Variants in FAM50B observed in about 807,000 individuals in gnomAD.
FAM50B encodes family with sequence similarity 50 member B.
FAM50B carries 9 observed loss-of-function variants against 25.4 expected under a neutral mutation model. The observed-to-expected ratio is 0.35, with a 90% CI of 0.21 to 0.62. The LOEUF is 0.62. Among genes scored for constraint, FAM50B ranks in the 20% least tolerant of loss-of-function variants. The pLI is 0.73. For missense variants in FAM50B, 372 were observed against 477.9 expected (o/e 0.78, Z 2.07); for synonymous variants, 212 against 204.3 (o/e 1.04, Z -0.32).
chr6:3,834,015 A>G, the FAM50B span: 1 of 152,232 alleles, frequency 6.6e-6, no homozygotes, highest in Non-Finnish European at 1.5e-5. Flanking sequence ...TCCACAGTGA[A>G]TTAGCAAGAA....
the FAM50B span, chr6:3,833,794 G>A: frequency 6.6e-6 from 1 of 152,114 alleles, no homozygotes; most frequent in Non-Finnish European, 1.5e-5. Context: ...AAGAGGGATG[G>A]CGAGATGACT....
chr6:3,835,406 T>C, the FAM50B span, among the ~76,000 whole-genome samples: 1 of 152,204 alleles, frequency 6.6e-6, no homozygotes, highest in South Asian at 2.1e-4. Flanking sequence ...TTGTAACTGA[T>C]CTCATCCCTC....
upstream of FAM50B, among the ~76,000 whole-genome samples, chr6:3,846,857 C>T (rs558147917): frequency 6.6e-5 from 10 of 152,302 alleles, no homozygotes; most frequent in African/African-American, 2.4e-4. Flanking sequence ...CTATGGGTTG[C>T]AGAATGGATG....
At position 3,850,672 on chromosome 6, in the gene FAM50B, G is replaced by A; in HGVS notation, c.861G>A (p.Ser287=). 1.9e-6 allele frequency: 3 copies of A among 1,614,112 alleles called. No individual in the cohort carries two copies. The highest frequency in any genetic ancestry group is 2.5e-6 in the Non-Finnish European group (3 of 1,180,030). Residue 287 remains serine (S), a synonymous_variant, in exon 2 of 2, where the codon TCG becomes TCA. Transcript: ENST00000648326. ...LSDATMEKDE[S]HAGKVVLRSW... ...ACGCCACCATGGAGAAGGACGAGTC[G>A]CACGCGGGCAAGGTGGTGCTGCGCA...
At chr6:3,834,735 T>C in the FAM50B span, among the ~76,000 whole-genome samples, 1 of 152,258 alleles carries the variant, frequency 6.6e-6, no homozygotes, top group South Asian at 2.1e-4. Flanking sequence ...TGGTAAAATA[T>C]ATTTTGATAT....
chr6:3,841,900 C>T, the FAM50B span, among the ~76,000 whole-genome samples: 2 of 152,342 alleles, frequency 1.3e-5, no homozygotes, highest in South Asian at 2.1e-4. Flanking sequence ...GTCCCTTGGC[C>T]TGCTGGCCTC....
the FAM50B span, among the ~76,000 whole-genome samples, chr6:3,837,230 T>C: frequency 2.6e-5 from 4 of 152,146 alleles, no homozygotes; most frequent in African/African-American, 7.2e-5. Context: ...AACCGATAAA[T>C]TGAAGTTCAT....
upstream of FAM50B, among the ~76,000 whole-genome samples, chr6:3,844,583 C>T (rs187590560): frequency 5.2e-3 from 795 of 152,074 alleles, 6 homozygotes; most frequent in African/African-American, 0.018. Context: ...TGGTGGTGGG[C>T]GCCTGTAATC....
chr6:3,849,781 T>C lies in FAM50B; in HGVS notation c.-23-8T>C, dbSNP rs372671372. 4.5e-6 allele frequency: 7 copies of C among 1,570,706 alleles called. No individual in the cohort carries two copies. The highest frequency in any genetic ancestry group is 5.2e-6 in the Non-Finnish European group (6 of 1,156,942). On this transcript the variant is annotated splice_region_variant and splice_polypyrimidine_tract_variant and intron_variant, in intron 1 of 1. Coordinates refer to ENST00000648326, the MANE Select transcript of FAM50B (RefSeq NM_012135.3). ...CTCTACCTGCCGCGTTTTTCCTCTT[T>C]GCTGCAGAGCCCATCGGGTAGGCGC...
the FAM50B span, among the ~76,000 whole-genome samples, chr6:3,835,289 G>T: frequency 5.9e-3 from 894 of 152,356 alleles, 7 homozygotes; most frequent in African/African-American, 0.021. Flanking sequence ...CACTGTCCTA[G>T]AGTTGGCTCC....
chr6:3,836,444 C>T, the FAM50B span, among the ~76,000 whole-genome samples: 1 of 152,224 alleles, frequency 6.6e-6, no homozygotes, highest in East Asian at 1.9e-4. Context: ...TCATCTGCCC[C>T]TGGAATCTCA....
chr6:3,840,745 G>A, the FAM50B span, among the ~76,000 whole-genome samples: 1 of 152,210 alleles, frequency 6.6e-6, no homozygotes, highest in Non-Finnish European at 1.5e-5. Flanking sequence ...CGTGTGCCCT[G>A]AACAGCACCT....
At chr6:3,843,385 T>A in the FAM50B span, among the ~76,000 whole-genome samples, 1 of 152,254 alleles carries the variant, frequency 6.6e-6, no homozygotes, top group Non-Finnish European at 1.5e-5. Flanking sequence ...CTTTTCTTTT[T>A]AAACCAAGAA....
the FAM50B span, among the ~76,000 whole-genome samples, chr6:3,834,109 C>A: frequency 6.6e-6 from 1 of 151,406 alleles, no homozygotes; most frequent in Non-Finnish European, 1.5e-5. Context: ...AAATTGGTAC[C>A]GACTGACAGT....
upstream of FAM50B, among the ~76,000 whole-genome samples, chr6:3,844,616 C>T (rs1762101011): frequency 6.6e-6 from 1 of 152,096 alleles, no homozygotes; most frequent in Non-Finnish European, 1.5e-5. Flanking sequence ...GAGGCTGAGG[C>T]AGGAGAATCA....
chr6:3,845,914 G>A (rs558903854), upstream of FAM50B, among the ~76,000 whole-genome samples: 59 of 152,098 alleles, frequency 3.9e-4, no homozygotes, highest in Non-Finnish European at 6.8e-4. Context: ...TTAGAGACGG[G>A]GTTTCACCAT....
At chr6:3,840,314 A>T in the FAM50B span, among the ~76,000 whole-genome samples, 6 of 152,066 alleles carry the variant, frequency 3.9e-5, no homozygotes, top group East Asian at 9.8e-4. Context: ...TTTATTAAAA[A>T]TACAAAAAAT....
chr6:3,844,588 G>A (rs1003157619), upstream of FAM50B, among the ~76,000 whole-genome samples: 1 of 152,026 alleles, frequency 6.6e-6, no homozygotes, highest in African/African-American at 2.4e-5. Flanking sequence ...GTGGGCGCCT[G>A]TAATCCCAAC....
At chr6:3,833,998 T>G in the FAM50B span, 1 of 152,230 alleles carries the variant, frequency 6.6e-6, no homozygotes, top group Non-Finnish European at 1.5e-5. Context: ...ATTTTTAAAA[T>G]TATTTTTCCA....
Sources: gnomAD v4.1 joint callset for allele counts (sites outside exome capture counted in the v4.1 genomes callset) on GRCh38, gnomAD v4.1.1 for gene constraint, MANE v1.5 for transcripts, NCBI Gene and HGNC (gene_info 2026-07-23, HGNC 2026-07-21) for gene names.